Variants in ST8SIA2 observed in about 807,000 individuals in gnomAD.
ST8SIA2 encodes ST8 alpha-N-acetyl-neuraminide alpha-2,8-sialyltransferase 2, also known as alpha-2,8-sialyltransferase 8B.
Under a neutral mutation model 37.6 loss-of-function variants are expected in ST8SIA2, and 22 were observed. The observed-to-expected ratio is 0.58, with a 90% CI of 0.42 to 0.83. ST8SIA2 has a LOEUF of 0.83. ST8SIA2 is among the 40% of genes least tolerant of loss of function. The pLI, the probability that ST8SIA2 is intolerant of heterozygous loss-of-function variation, is 0.00. For missense variants in ST8SIA2, 382 were observed against 484.7 expected, an observed-to-expected ratio of 0.79 and a Z score of 1.99; for synonymous variants, 205 against 201.2, an observed-to-expected ratio of 1.02 and a Z score of -0.16.
intron 5 of ST8SIA2, among the ~76,000 whole-genome samples, chr15:92,447,979 G>A (rs1259355283): frequency 6.6e-6 from 1 of 152,174 alleles, no homozygotes; most frequent in Non-Finnish European, 1.5e-5. Flanking sequence ...GATAAGAGGA[G>A]AAACACTGCC....
chr15:92,461,544 CTT>C (rs1002646279), intron 5 of ST8SIA2, among the ~76,000 whole-genome samples: 4 of 152,208 alleles, frequency 2.6e-5, no homozygotes, highest in African/African-American at 9.7e-5. Context: ...GAGGGACAAA[CTT>C]AGCACAGCTC....
At chr15:92,424,150 C>T (rs2049656821) in intron 1 of ST8SIA2, among the ~76,000 whole-genome samples, 1 of 152,226 alleles carries the variant, frequency 6.6e-6, no homozygotes, top group Admixed American at 6.5e-5. Context: ...ATTCTCAAGA[C>T]TAATCACCTG....
chr15:92,455,680 G>A (rs779221255), intron 5 of ST8SIA2, among the ~76,000 whole-genome samples: 6 of 152,270 alleles, frequency 3.9e-5, no homozygotes, highest in African/African-American at 7.2e-5. Flanking sequence ...AGCCATTGGC[G>A]GGCATTGAGG....
At chr15:92,411,980 A>C (rs982988361) in intron 1 of ST8SIA2, among the ~76,000 whole-genome samples, 2 of 152,184 alleles carry the variant, frequency 1.3e-5, no homozygotes, top group Non-Finnish European at 2.9e-5. Flanking sequence ...AAGAGGAAGA[A>C]GCAAGGCAAG....
At chr15:92,394,191 C>G (rs754504137) in intron 1 of ST8SIA2, 29 bp downstream of exon 1, 9 of 1,532,150 alleles carry the variant, frequency 5.9e-6, no homozygotes, top group East Asian at 2.5e-5. Context: ...GCCCGTGCCA[C>G]GAGCCCTGGC....
chr15:92,451,345 GCA>G (rs2141844442), intron 5 of ST8SIA2, among the ~76,000 whole-genome samples: 1 of 152,306 alleles, frequency 6.6e-6, no homozygotes, highest in East Asian at 1.9e-4. Context: ...GGCTACACGT[GCA>G]CACACTGCAG....
At position 92,422,277 on chromosome 15, in the gene ST8SIA2, A is replaced by T. The variant is rs1003678317; in HGVS notation, c.99-7772A>T. 11 of 152,362 alleles carry T rather than the reference A, an allele frequency of 7.2e-5. 1 individual carries two copies. The highest frequency in any genetic ancestry group is 2.6e-4 in the Admixed American group (4 of 15,304). 9.4% of individuals were successfully genotyped at this position (152,362 alleles called of 1,614,324 possible). ...ATGACCTTGATGTTCAAGCCTCCAG[A>T]TGTCCTTAGCAGTTACATCACTTCT... is the stretch of plus-strand genomic sequence containing the variant. On this transcript the variant is annotated intron_variant, in intron 1 of 5. Coordinates refer to ENST00000268164, the MANE Select transcript of ST8SIA2 (RefSeq NM_006011.4).
chr15:92,397,036 G>A (rs529822231), intron 1 of ST8SIA2, among the ~76,000 whole-genome samples: 4 of 152,296 alleles, frequency 2.6e-5, no homozygotes, highest in East Asian at 1.9e-4. Flanking sequence ...GATGATCTGC[G>A]CGTGTCGGCC....
intron 5 of ST8SIA2, among the ~76,000 whole-genome samples, chr15:92,463,346 G>C (rs1025339240): frequency 6.6e-6 from 1 of 152,234 alleles, no homozygotes; most frequent in Non-Finnish European, 1.5e-5. Context: ...AGAAGAAAGA[G>C]AGTGGGCAGA....
chr15:92,466,397 C>A lies in ST8SIA2; in HGVS notation c.*2012C>A, dbSNP rs1381187832. On this transcript the variant is annotated 3_prime_UTR_variant, in exon 6 of 6. Coordinates refer to ENST00000268164, the MANE Select transcript of ST8SIA2 (RefSeq NM_006011.4). ...CATTTAATTTCTAAAGCTTGAAGTG[C>A]CCCGAGGAGCAGGTAGAATTTCCAG... The A allele has an allele frequency of 6.6e-6, 1 of 152,136 alleles. No individual in the cohort carries two copies. The highest frequency in any genetic ancestry group is 1.9e-4 in the East Asian group (1 of 5,194). The allele number at this position is 152,136 out of a possible 1,614,324, so 9.4% of individuals were successfully genotyped here. A position where few individuals can be genotyped will look rare whatever the true frequency, so the allele number is the denominator to read the frequency against.
chr15:92,432,403 G>T lies in ST8SIA2; in HGVS notation c.162-1844G>T, dbSNP rs149704152. On this transcript the variant is annotated intron_variant, in intron 2 of 5. Coordinates refer to ENST00000268164, the MANE Select transcript of ST8SIA2 (RefSeq NM_006011.4). The stretch of plus-strand genomic sequence containing the variant: ...AGCCTCATGAGGTGGCAGCCAGTGG[G>T]GCATGCCAGAAACATCGGTGCTCCT... Among the ~76,000 whole-genome samples, 262 of 152,232 alleles carry T rather than the reference G, an allele frequency of 1.7e-3. 1 individual carries two copies. Among genetic ancestry groups the T allele is most frequent in the African/African-American group, 6.0e-3 (250 of 41,548 alleles).
chr15:92,435,326 T>G (rs1216652638), intron 3 of ST8SIA2, among the ~76,000 whole-genome samples: 1 of 151,940 alleles, frequency 6.6e-6, no homozygotes, highest in Non-Finnish European at 1.5e-5. Flanking sequence ...CCAGGAGCAG[T>G]GGGTTTTGAA....
Position 92,441,228 on chromosome 15 carries a change from C to T in ST8SIA2, c.548+2618C>T, listed in dbSNP as rs58315192. 6.1e-3 allele frequency among the ~76,000 whole-genome samples: 924 copies of T among 152,296 alleles called. 22 individuals carry two copies. Among genetic ancestry groups the T allele is most frequent in the East Asian group, 0.05 (258 of 5,172 alleles). On this transcript the variant is annotated intron_variant, in intron 4 of 5. Coordinates refer to ENST00000268164, the MANE Select transcript of ST8SIA2 (RefSeq NM_006011.4). ...GTAAGTCCTGGTGGGACACATGGCA[C>T]GCAAAATGCAACTATCTTGCAAAAC...
At chr15:92,437,856 T>G (rs1395031266) in intron 3 of ST8SIA2, among the ~76,000 whole-genome samples, 2 of 152,098 alleles carry the variant, frequency 1.3e-5, no homozygotes, top group Non-Finnish European at 2.9e-5. Context: ...AAACTTAGAT[T>G]TTATACCTAG....
intron 5 of ST8SIA2, among the ~76,000 whole-genome samples, chr15:92,461,470 G>T (rs1255759010): frequency 2.6e-5 from 4 of 152,236 alleles, no homozygotes; most frequent in Non-Finnish European, 4.4e-5. Context: ...GGACCCCAGA[G>T]CTCAGTGTGT....
chr15:92,447,064 G>A (rs1167538553), intron 5 of ST8SIA2, among the ~76,000 whole-genome samples: 1 of 152,204 alleles, frequency 6.6e-6, no homozygotes, highest in African/African-American at 2.4e-5. Flanking sequence ...TGGAATATTT[G>A]TTGGGAAGCT....
At position 92,403,597 on chromosome 15, in the gene ST8SIA2, C is replaced by T. The variant is rs548268564; in HGVS notation, c.98+9435C>T. ...GTTCTAATTTTGAAAATCGGCTGCACGCGGAGGAGTGATACCCAGGGTTAA... is the reference window on the plus strand; with the variant it reads ...GTTCTAATTTTGAAAATCGGCTGCATGCGGAGGAGTGATACCCAGGGTTAA... On this transcript the variant is annotated intron_variant, in intron 1 of 5. Transcript: ENST00000268164. Among the ~76,000 whole-genome samples the T allele has an allele frequency of 7.9e-5, 12 of 152,170 alleles. No homozygotes were observed. The South Asian group carries it at 1.7e-3, about 21-fold the overall frequency.
intron 1 of ST8SIA2, among the ~76,000 whole-genome samples, chr15:92,400,405 C>T (rs1464533504): frequency 1.3e-5 from 2 of 152,170 alleles, no homozygotes; most frequent in African/African-American, 4.8e-5. Flanking sequence ...CAAAAATAAG[C>T]ATTCAGCCTC....
intron 5 of ST8SIA2, among the ~76,000 whole-genome samples, chr15:92,458,048 G>C (rs1381602269): frequency 1.3e-5 from 2 of 152,140 alleles, no homozygotes; most frequent in Non-Finnish European, 2.9e-5. Context: ...TTCCATTTGA[G>C]TCAAATGTTT....
Sources: gnomAD v4.1 joint callset for allele counts (sites outside exome capture counted in the v4.1 genomes callset) on GRCh38, gnomAD v4.1.1 for gene constraint, MANE v1.5 for transcripts, NCBI Gene and HGNC (gene_info 2026-07-23, HGNC 2026-07-21) for gene names.